Variants in GIT1 observed in about 807,000 individuals in gnomAD.
The protein encoded by GIT1 is ARF GTPase-activating protein GIT1.
In GIT1, 14 loss-of-function variants were observed where a neutral mutation model predicts 91.7. That is an observed-to-expected ratio of 0.15 (90% confidence interval 0.10 to 0.24). The LOEUF is 0.24. Ranked by LOEUF, GIT1 falls within the 10% of genes least tolerant of loss-of-function variation. The pLI is 1.00. For missense variants in GIT1, 717 were observed against 1,024.9 expected (o/e 0.70, Z 4.10); for synonymous variants, 414 against 418.2 (o/e 0.99, Z 0.12).
In GIT1 at chr17:29,576,850, G is replaced by C. The variant is rs746542754; in HGVS notation, c.1227+13C>G. On this transcript the variant is annotated intron_variant, in intron 12 of 19. Coordinates refer to ENST00000225394, the MANE Select transcript of GIT1 (RefSeq NM_014030.4). Reference sequence around the variant, plus strand: ...AGGGCACAGGGGAGTGGGAAGGAGGGTGGGACTCAGACCCGGGCCCGGTTG... The same window carrying C: ...AGGGCACAGGGGAGTGGGAAGGAGGCTGGGACTCAGACCCGGGCCCGGTTG... 6.3e-7 allele frequency: 1 copy of C among 1,576,968 alleles called. No individual in the cohort carries two copies.
chr17:29,584,714 T>C lies in GIT1; in HGVS notation c.53-1098A>G, dbSNP rs536398770. On this transcript the variant is annotated intron_variant, in intron 1 of 19. Coordinates refer to ENST00000225394, the MANE Select transcript of GIT1 (RefSeq NM_014030.4). ...GGGGGACTGGCTCTCTGCCTTGCCCTGTAGCGCTCAGGGTGTTCAGAAGTA... is the reference window on the plus strand; with the variant it reads ...GGGGGACTGGCTCTCTGCCTTGCCCCGTAGCGCTCAGGGTGTTCAGAAGTA... Among the ~76,000 whole-genome samples the C allele has an allele frequency of 4.7e-4, 72 of 152,328 alleles. No homozygotes were observed. The South Asian group carries it at 0.014, about 30-fold the overall frequency.
At chr17:29,582,273 C>G in intron 4 of GIT1, 129 bp from the exon 5 acceptor site, 1 of 672,144 alleles carries the variant, frequency 1.5e-6, no homozygotes, top group Non-Finnish European at 2.6e-6. Flanking sequence ...CAGACTATGT[C>G]GGGAGGACAG....
chr17:29,582,215 C>T, intron 4 of GIT1, 71 bp from the exon 5 acceptor site: 1 of 1,175,222 alleles, frequency 8.5e-7, no homozygotes, highest in Non-Finnish European at 1.2e-6. Context: ...AAGCTGCACC[C>T]TGGCTGCCCC....
chr17:29,581,441 G>A lies in GIT1; in HGVS notation c.719-61C>T, dbSNP rs2033391758. Reference sequence around the variant, plus strand: ...TGCTGGGTGGCCTCAGCAGCTGGGAGCCCACCTCACTGCCATGAGCAGGGC... The same window carrying A: ...TGCTGGGTGGCCTCAGCAGCTGGGAACCCACCTCACTGCCATGAGCAGGGC... On this transcript the variant is annotated intron_variant, in intron 6 of 19. Transcript: ENST00000225394. This position sits in a 1 kb window ranked among gnomAD's most constrained non-coding sequence, Gnocchi z 4.8. 7.6e-7 allele frequency: 1 copy of A among 1,315,644 alleles called. No individual in the cohort carries two copies. Among genetic ancestry groups the A allele is most frequent in the African/African-American group, 1.4e-5 (1 of 69,190 alleles). 81.5% of individuals were successfully genotyped at this position (1,315,644 alleles called of 1,614,324 possible).
intron 7 of GIT1, among the ~76,000 whole-genome samples, chr17:29,579,504 G>A (rs950919848): frequency 6.6e-6 from 1 of 152,148 alleles, no homozygotes; most frequent in Non-Finnish European, 1.5e-5. Context: ...CTAGCACTTT[G>A]GGAGGCCAAG....
intron 12 of GIT1, 53 bp from the exon 13 acceptor site, chr17:29,576,727 C>A: frequency 1.2e-6 from 2 of 1,606,500 alleles, no homozygotes; most frequent in Non-Finnish European, 1.7e-6. Context: ...AGGCCAACAC[C>A]CGCAGGGGGC....
In GIT1 at chr17:29,575,549, G is replaced by C; in HGVS notation, c.1827-79C>G. 1 of 1,560,388 alleles carries C rather than the reference G, an allele frequency of 6.4e-7. No homozygotes were observed. Among genetic ancestry groups the C allele is most frequent in the Non-Finnish European group, 8.8e-7 (1 of 1,141,064 alleles). ...TTCCAGCCTCGGAGCCGCCCGCCTT[G>C]GTCCTCACACACTGGGGGCCCTCTC... On this transcript the variant is annotated intron_variant, in intron 17 of 19. Coordinates refer to ENST00000225394, the MANE Select transcript of GIT1 (RefSeq NM_014030.4). This position sits in a 1 kb window ranked among gnomAD's most constrained non-coding sequence, Gnocchi z 5.5.
In GIT1 at chr17:29,589,645, T is replaced by C. The variant is rs1453031954; in HGVS notation, c.-267A>G. The C allele has an allele frequency of 6.7e-6, 1 of 149,074 alleles. No homozygotes were observed. Among genetic ancestry groups the C allele is most frequent in the East Asian group, 2.0e-4 (1 of 5,010 alleles). The allele number at this position is 149,074 out of a possible 1,614,324, so 9.2% of individuals were successfully genotyped here. On this transcript the variant is annotated 5_prime_UTR_variant, in exon 1 of 20. Transcript: ENST00000225394. This position sits in a 1 kb window ranked among gnomAD's most constrained non-coding sequence, Gnocchi z 5.2. ...CGCCCCCTGCGCGGCTCCCGGCCGC[T>C]TCTGCAGGAAGCGGCGCAGGCCCTG...
intron 1 of GIT1, among the ~76,000 whole-genome samples, chr17:29,587,167 C>T (rs1467314189): frequency 6.6e-6 from 1 of 152,148 alleles, no homozygotes; most frequent in African/African-American, 2.4e-5. Context: ...ATCTGGACTC[C>T]GGACTGCTGG....
chr17:29,583,231 G>T (rs942304539), intron 2 of GIT1, among the ~76,000 whole-genome samples, 194 bp from the exon 3 acceptor site: 4 of 152,138 alleles, frequency 2.6e-5, no homozygotes, highest in African/African-American at 9.7e-5. Context: ...CCAAGGCTCA[G>T]AGAGGTGAAG....
At chr17:29,579,968 G>A (rs898422028) in intron 7 of GIT1, among the ~76,000 whole-genome samples, 44 of 152,216 alleles carry the variant, frequency 2.9e-4, no homozygotes, top group African/African-American at 1.0e-3. Context: ...TCTCCAGCTC[G>A]TCTCTATCCC....
At position 29,574,822 on chromosome 17, in the gene GIT1, T is replaced by C. The variant is rs1555573336; in HGVS notation, c.2166A>G (p.Pro722=). 3 of 1,610,340 alleles carry C rather than the reference T, an allele frequency of 1.9e-6. No homozygotes were observed. The highest frequency in any genetic ancestry group is 1.7e-6 in the Non-Finnish European group (2 of 1,179,548). ...GGAAGTCCACTGGGGCGCCGGGCTC[T>C]GGGGGCACTGTCTTCCGGCACTCAC... The part of the protein sequence containing the change: ...LQSECRKTVP[P]EPGAPVDFQL... The change falls in exon 20 of 20, where the codon CCA becomes CCG. Residue 722 remains proline (P), a synonymous_variant. Transcript: ENST00000225394.
intron 7 of GIT1, chr17:29,579,103 G>T: frequency 1.2e-6 from 1 of 856,716 alleles, no homozygotes; most frequent in Non-Finnish European, 2.0e-6. Context: ...ACGCACACCC[G>T]GCCCAGAAGG....
At position 29,584,810 on chromosome 17, in the gene GIT1, T is replaced by C. The variant is rs1161156543; in HGVS notation, c.53-1194A>G. ...CAACTAGAAGGCAATTCTCAGGCCT[T>C]TCCCCTCTAAGGACTTCCACCAAAG... On this transcript the variant is annotated intron_variant, in intron 1 of 19. Coordinates refer to ENST00000225394, the MANE Select transcript of GIT1 (RefSeq NM_014030.4). Among the ~76,000 whole-genome samples, 6 of 152,092 alleles carry C rather than the reference T, an allele frequency of 3.9e-5. No homozygotes were observed. The East Asian group carries it at 1.2e-3, about 29-fold the overall frequency.
At chr17:29,582,622 A>G (rs2150846927) in intron 4 of GIT1, 76 bp downstream of exon 4, 2 of 1,025,808 alleles carry the variant, frequency 1.9e-6, no homozygotes, top group Non-Finnish European at 3.0e-6. Context: ...CAGTGGGGAC[A>G]AAGGAGAGGC....
At position 29,575,813 on chromosome 17, in the gene GIT1, G is replaced by A. The variant is rs755275423; in HGVS notation, c.1751C>T (p.Thr584Met). 3.0e-5 allele frequency: 49 copies of A among 1,612,676 alleles called. No individual in the cohort carries two copies. The highest frequency in any genetic ancestry group is 8.8e-5 in the South Asian group (8 of 90,976). The change falls in exon 16 of 20, where the codon ACG (threonine) becomes ATG (methionine). Residue 584 changes from threonine (T) to methionine (M), a missense_variant and splice_region_variant. Around this residue, in one of 3 missense-constraint regions of GIT1, gnomAD observed 312 missense variants for 349.5 expected, o/e 0.89. Transcript: ENST00000225394. This position sits in a 1 kb window ranked among gnomAD's most constrained non-coding sequence, Gnocchi z 5.5. ...LSCSQEGSRH[T>M]SKLSRHGSGA... ...GGGCACTGGGCATGGAAACATTACC[G>A]TGTGGCGGCTTCCCTCCTGGGAGCA...
At chr17:29,579,648 G>A (rs896355958) in intron 7 of GIT1, among the ~76,000 whole-genome samples, 20 of 151,950 alleles carry the variant, frequency 1.3e-4, no homozygotes, top group African/African-American at 4.6e-4. Flanking sequence ...ATGGTAGGAG[G>A]ATCGTTTGAG....
Position 29,575,580 on chromosome 17 carries a change from C to T in GIT1, c.1826+50G>A. The stretch of plus-strand genomic sequence containing the variant: ...CACACACTGGGGGCCCTCTCAACCT[C>T]CCCGCCTCGGCATGTGAGCAGGCTG... On this transcript the variant is annotated intron_variant, in intron 17 of 19. Coordinates refer to ENST00000225394, the MANE Select transcript of GIT1 (RefSeq NM_014030.4). The surrounding 1 kb of genome is among the most constrained non-coding windows in gnomAD (Gnocchi z 5.5). The T allele has an allele frequency of 6.3e-7, 1 of 1,584,864 alleles. No homozygotes were observed. Among genetic ancestry groups the T allele is most frequent in the Non-Finnish European group, 8.6e-7 (1 of 1,160,204 alleles).
intron 1 of GIT1, among the ~76,000 whole-genome samples, chr17:29,585,865 G>C (rs1160103125): frequency 1.3e-5 from 2 of 152,180 alleles, no homozygotes; most frequent in African/African-American, 4.8e-5. Flanking sequence ...CACCGGCAGG[G>C]TATGGGTCTG....
Sources: allele counts gnomAD v4.1 joint callset (sites outside exome capture counted in the v4.1 genomes callset), GRCh38; gene constraint gnomAD v4.1.1; regional missense constraint gnomAD v4.1.1; non-coding constraint Gnocchi (gnomAD v3.1); transcripts MANE v1.5; gene names NCBI Gene and HGNC (gene_info 2026-07-23, HGNC 2026-07-21).